Variants in DGKH observed in about 807,000 individuals in gnomAD.
The protein encoded by DGKH is DAG kinase eta.
DGKH carries 90 observed loss-of-function variants against 159.3 expected under a neutral mutation model. The ratio of observed to expected loss-of-function variants is 0.57; its 90% confidence interval spans 0.48 to 0.67. The LOEUF (loss-of-function observed/expected upper bound fraction) is 0.67, where lower values mean the gene tolerates loss of function less well. Ranked by LOEUF, DGKH falls within the 30% of genes least tolerant of loss-of-function variation. DGKH has a pLI of 0.00. For missense variants in DGKH, 1,181 were observed against 1,506.1 expected (o/e 0.78, Z 3.57); for synonymous variants, 536 against 553.8 (o/e 0.97, Z 0.45).
chr13:42,143,293 G>A (rs1260284332), intron 3 of DGKH, among the ~76,000 whole-genome samples: 1 of 152,070 alleles, frequency 6.6e-6, no homozygotes, highest in East Asian at 1.9e-4. Context: ...TGCTGGATTC[G>A]GTTTGCCAGT....
chr13:42,105,884 C>T (rs898194496), intron 1 of DGKH, among the ~76,000 whole-genome samples: 9 of 152,164 alleles, frequency 5.9e-5, no homozygotes, highest in Non-Finnish European at 1.3e-4. Flanking sequence ...CACTTCCTGG[C>T]ATGCAGTAGG....
intron 11 of DGKH, among the ~76,000 whole-genome samples, chr13:42,172,219 C>T (rs1397590566): frequency 3.9e-5 from 6 of 152,060 alleles, no homozygotes; most frequent in African/African-American, 1.4e-4. Context: ...TCAAGCGATA[C>T]TCCTGCCTCA....
intron 3 of DGKH, among the ~76,000 whole-genome samples, chr13:42,147,169 T>C (rs1955756639): frequency 6.6e-6 from 1 of 152,084 alleles, no homozygotes; most frequent in South Asian, 2.1e-4. Context: ...GGAGGATTGG[T>C]ATATAAATGA....
At chr13:42,132,340 C>T (rs746817138) in intron 3 of DGKH, among the ~76,000 whole-genome samples, 8 of 152,188 alleles carry the variant, frequency 5.3e-5, no homozygotes, top group Non-Finnish European at 1.0e-4. Flanking sequence ...TAACTATAGT[C>T]ATCCTACGGT....
At chr13:42,250,426 T>A (rs1408012159) in intron 29 of DGKH, among the ~76,000 whole-genome samples, 1 of 152,238 alleles carries the variant, frequency 6.6e-6, no homozygotes, top group African/African-American at 2.4e-5. Context: ...CATTTCTTGA[T>A]GGTAATAACT....
rs1050451613 is a variant in DGKH, at chr13:42,240,874, T to C, written c.*11686T>C. On this transcript the variant is annotated 3_prime_UTR_variant, in exon 30 of 30. Coordinates refer to ENST00000337343, the MANE Select transcript of DGKH (RefSeq NM_178009.5). ...GCTGACACCTGTAATCCCAGCACTT[T>C]GGGAGGCCGAAGTGGGTGGATTACC... 3.3e-5 allele frequency: 5 copies of C among 152,088 alleles called. No homozygotes were observed. Among genetic ancestry groups the C allele is most frequent in the Non-Finnish European group, 7.4e-5 (5 of 68,024 alleles). The allele number at this position is 152,088 out of a possible 1,614,324, so 9.4% of individuals were successfully genotyped here. A position where few individuals can be genotyped will look rare whatever the true frequency, so the allele number is the denominator to read the frequency against.
intron 11 of DGKH, among the ~76,000 whole-genome samples, chr13:42,171,735 CT>C (rs1404106907): frequency 6.7e-6 from 1 of 149,892 alleles, no homozygotes; most frequent in African/African-American, 2.5e-5. Flanking sequence ...CCTATTCACC[CT>C]TGTGTTTCCA....
At chr13:42,061,255 C>T (rs1037983294) in intron 1 of DGKH, among the ~76,000 whole-genome samples, 7 of 152,132 alleles carry the variant, frequency 4.6e-5, no homozygotes, top group Admixed American at 3.9e-4. Flanking sequence ...CGTTGATCTG[C>T]GCCATCTTGT....
chr13:42,213,081 C>T (rs1957698405), intron 24 of DGKH, among the ~76,000 whole-genome samples: 1 of 152,104 alleles, frequency 6.6e-6, no homozygotes, highest in African/African-American at 2.4e-5. Context: ...GGAGCCAGAT[C>T]TTTACTGGGC....
intron 1 of DGKH, among the ~76,000 whole-genome samples, chr13:42,057,366 TG>T (rs1430066604): frequency 6.6e-6 from 1 of 152,208 alleles, no homozygotes; most frequent in Non-Finnish European, 1.5e-5. Context: ...CACTATTTTA[TG>T]TAGGTAAGAA....
intron 13 of DGKH, among the ~76,000 whole-genome samples, chr13:42,184,387 C>T (rs1458064481): frequency 6.6e-5 from 10 of 151,976 alleles, no homozygotes; most frequent in Non-Finnish European, 1.5e-4. Flanking sequence ...GGTACTAATA[C>T]TAGTGATGAG....
chr13:42,250,503 G>T (rs908798904), intron 29 of DGKH, among the ~76,000 whole-genome samples: 1 of 152,052 alleles, frequency 6.6e-6, no homozygotes, highest in Non-Finnish European at 1.5e-5. Context: ...ATAATAAACT[G>T]AAGCCTTGAA....
intron 1 of DGKH, among the ~76,000 whole-genome samples, chr13:42,083,064 A>G (rs559039316): frequency 6.6e-6 from 1 of 152,354 alleles, no homozygotes; most frequent in South Asian, 2.1e-4. Flanking sequence ...AGCTAGAGTA[A>G]CAGTAGTAAC....
At chr13:42,256,553 GA>G in exon 31 of DGKH, 1 of 711,728 alleles carries the variant, frequency 1.4e-6, no homozygotes, top group Non-Finnish European at 2.5e-6. Flanking sequence ...AATTTATAAT[GA>G]AAATAAACGT....
chr13:42,142,856 A>G (rs1354222167), intron 3 of DGKH, among the ~76,000 whole-genome samples: 2 of 152,178 alleles, frequency 1.3e-5, no homozygotes, highest in Non-Finnish European at 2.9e-5. Flanking sequence ...GGACAATTTG[A>G]CTTCCTGTTT....
rs1245455141 is a variant in DGKH at position 42,242,738 on chromosome 13, A to T, written c.*13550A>T. ...GGTGCCTTTTATTGTGGGATGCATGATTATGTATTTATTGTACGGAAGTCA... is the reference window on the plus strand; with the variant it reads ...GGTGCCTTTTATTGTGGGATGCATGTTTATGTATTTATTGTACGGAAGTCA... On this transcript the variant is annotated 3_prime_UTR_variant, in exon 30 of 30. Transcript: ENST00000337343. The T allele has an allele frequency of 3.3e-5, 5 of 152,100 alleles. No homozygotes were observed. The highest frequency in any genetic ancestry group is 1.2e-4 in the African/African-American group (5 of 41,418). The allele number at this position is 152,100 out of a possible 1,614,324, so 9.4% of individuals were successfully genotyped here.
chr13:42,199,479 TG>T (rs1957294599), intron 18 of DGKH, 86 bp from the exon 19 acceptor site: 2 of 884,912 alleles, frequency 2.3e-6, no homozygotes, highest in East Asian at 5.4e-5. Context: ...AAAGCTTAAA[TG>T]GTTTTAAGTA....
At chr13:42,166,262 A>G (rs1278464929) in intron 8 of DGKH, among the ~76,000 whole-genome samples, 1 of 152,118 alleles carries the variant, frequency 6.6e-6, no homozygotes, top group East Asian at 1.9e-4. Context: ...TTTGTTTACT[A>G]TAAATTTTAA....
At chr13:42,207,146 C>T (rs867200430) in intron 21 of DGKH, among the ~76,000 whole-genome samples, 2,344 of 50,794 alleles carry the variant, frequency 0.046, 316 homozygotes, top group Admixed American at 0.058. Flanking sequence ...TCCTTCCTTC[C>T]TTCCTTCCTT....
Sources: allele counts gnomAD v4.1 joint callset (sites outside exome capture counted in the v4.1 genomes callset), GRCh38; gene constraint gnomAD v4.1.1; transcripts MANE v1.5; gene names NCBI Gene and HGNC (gene_info 2026-07-23, HGNC 2026-07-21).